The following CEBPZOS variants were observed in gnomAD, a reference collection of about 807,000 sequenced individuals.
The protein encoded by CEBPZOS is CEBPZ opposite strand, also known as protein CEBPZOS.
A neutral mutation model predicts 4.8 loss-of-function variants in CEBPZOS; 10 were observed. That is an observed-to-expected ratio of 2.07 (90% CI 1.28 to 3.52). CEBPZOS has a LOEUF of 3.52. Among genes scored for constraint, CEBPZOS ranks in the 30% most tolerant of loss-of-function variants. The probability of loss-of-function intolerance (pLI) is 0.00; values close to 1 mark genes in which losing one functional copy is unlikely to be tolerated. For missense variants in CEBPZOS, 98 were observed against 43.6 expected (o/e 2.25, Z -3.51); for synonymous variants, 25 against 14.2 (o/e 1.77, Z -1.72).
rs1020249314 is a variant in CEBPZOS at position 37,202,637 on chromosome 2, G to A, written c.*777G>A. On this transcript the variant is annotated 3_prime_UTR_variant, in exon 5 of 5. Transcript: ENST00000402297. ...TCCAACCTGGGCAAGGGAGTGAGACGCTGTCTCAAAAAAAAAAAAAAAAAA... is the reference window on the plus strand; with the variant it reads ...TCCAACCTGGGCAAGGGAGTGAGACACTGTCTCAAAAAAAAAAAAAAAAAA... 3.1e-5 allele frequency: 12 copies of A among 381,092 alleles called. 1 individual carries two copies. The highest frequency in any genetic ancestry group is 2.9e-4 in the Admixed American group (4 of 13,620). 23.6% of individuals were successfully genotyped at this position (381,092 alleles called of 1,614,324 possible).
downstream of CEBPZOS, chr2:37,214,882 G>C (rs1318522181): frequency 1.3e-6 from 2 of 1,590,798 alleles, no homozygotes; most frequent in South Asian, 1.1e-5. Flanking sequence ...ATTATGTATA[G>C]TACCTGTGGA....
intron 4 of CEBPZOS, chr2:37,211,234 G>A: frequency 2.1e-6 from 1 of 466,246 alleles, no homozygotes. Flanking sequence ...TAGGCTTGAG[G>A]ACAGACTGAG....
At chr2:37,201,279 T>A (rs1677218142) in intron 3 of CEBPZOS, 187 bp downstream of exon 3, 1 of 558,826 alleles carries the variant, frequency 1.8e-6, no homozygotes, top group Admixed American at 3.4e-5. Context: ...TCTGAATTCT[T>A]CTAGTGGTTA....
rs1677204087 is a variant in CEBPZOS at position 37,201,041 on chromosome 2, C to G, written c.116-7C>G. 4.2e-6 allele frequency: 3 copies of G among 712,862 alleles called. No homozygotes were observed. In the East Asian group the frequency reaches 8.1e-5, roughly 19 times the overall value. 44.2% of individuals were successfully genotyped at this position (712,862 alleles called of 1,614,324 possible). On this transcript the variant is annotated splice_polypyrimidine_tract_variant and splice_region_variant and intron_variant, in intron 2 of 4. Coordinates refer to ENST00000402297, the MANE Select transcript of CEBPZOS (RefSeq NM_001322374.2). ...ATCTAATTTCAAGACATCCTTTTTT[C>G]CATCAGATTTCAGGCAAACAATGAG...
intron 1 of CEBPZOS, among the ~76,000 whole-genome samples, chr2:37,198,929 G>C (rs1455330105): frequency 1.3e-5 from 2 of 152,060 alleles, no homozygotes; most frequent in African/African-American, 4.8e-5. Flanking sequence ...TGAGGTGGGC[G>C]GATTGCTTGA....
In CEBPZOS at chr2:37,203,064, A is replaced by T. The variant is rs986284255; in HGVS notation, c.*1204A>T. ...ATTATAAATCTAATGATTTTAGAAA[A>T]ATGCAATGCAACATGATTTTATTTT... is the stretch of plus-strand genomic sequence containing the variant. On this transcript the variant is annotated 3_prime_UTR_variant, in exon 5 of 5. Coordinates refer to ENST00000402297, the MANE Select transcript of CEBPZOS (RefSeq NM_001322374.2). The T allele has an allele frequency of 4.3e-6, 5 of 1,149,820 alleles. No individual in the cohort carries two copies. The highest frequency in any genetic ancestry group is 2.5e-5 in the Admixed American group (1 of 39,336). 71.2% of individuals were successfully genotyped at this position (1,149,820 alleles called of 1,614,324 possible).
intron 3 of CEBPZOS, chr2:37,201,350 C>T: frequency 2.0e-6 from 1 of 497,612 alleles, no homozygotes; most frequent in South Asian, 2.8e-5. Flanking sequence ...CAGTTTAAAC[C>T]TTTGGTTTTA....
At chr2:37,211,395 G>A (rs945852788) in intron 4 of CEBPZOS, 1 of 251,642 alleles carries the variant, frequency 4.0e-6, no homozygotes, top group African/African-American at 2.2e-5. Context: ...ATGTTGGGCA[G>A]GCATGTGCAT....
At chr2:37,200,575 T>G (rs1325987256) in intron 2 of CEBPZOS, among the ~76,000 whole-genome samples, 1 of 152,120 alleles carries the variant, frequency 6.6e-6, no homozygotes, top group Non-Finnish European at 1.5e-5. Flanking sequence ...TGGCTTGCAC[T>G]TGTAATTCCA....
downstream of CEBPZOS, among the ~76,000 whole-genome samples, chr2:37,205,929 T>C (rs1558467328): frequency 6.6e-6 from 1 of 152,038 alleles, no homozygotes; most frequent in Non-Finnish European, 1.5e-5. Flanking sequence ...ATTGCAAGGG[T>C]CAAATGGCAA....
chr2:37,216,167 A>C (rs1677861738), downstream of CEBPZOS: 2 of 1,613,024 alleles, frequency 1.2e-6, no homozygotes, highest in Non-Finnish European at 1.7e-6. Flanking sequence ...TCCTTAATAA[A>C]ATGTTTTCTT....
chr2:37,216,130 T>A, downstream of CEBPZOS: 1 of 1,599,106 alleles, frequency 6.3e-7, no homozygotes, highest in Non-Finnish European at 8.6e-7. Flanking sequence ...TGTCTAAGGT[T>A]TATACTTACC....
intron 2 of CEBPZOS, 132 bp downstream of exon 2, chr2:37,199,951 C>G (rs1677136728): frequency 1.6e-6 from 1 of 609,042 alleles, no homozygotes; most frequent in Admixed American, 2.8e-5. Flanking sequence ...TTTTTAGGGG[C>G]AGAACAGGAA....
At chr2:37,205,866 A>G (rs977875011), downstream of CEBPZOS, among the ~76,000 whole-genome samples, 21 of 152,096 alleles carry the variant, frequency 1.4e-4, no homozygotes, top group Non-Finnish European at 1.5e-5. Context: ...TAAAAATGTT[A>G]AAAAACAATT....
At chr2:37,212,369 AAC>A in intron 4 of CEBPZOS, 1 of 1,613,622 alleles carries the variant, frequency 6.2e-7, no homozygotes, top group South Asian at 1.1e-5. Flanking sequence ...CCAGAGCTGA[AAC>A]AGTTATCATC....
chr2:37,201,922 A>T lies in CEBPZOS; in HGVS notation c.*62A>T. The T allele has an allele frequency of 6.2e-7, 1 of 1,610,490 alleles. No individual in the cohort carries two copies. The highest frequency in any genetic ancestry group is 8.5e-7 in the Non-Finnish European group (1 of 1,178,752). ...TTGAGACCTTTGAGAGAAGAAGAAA[A>T]GATGAGTGTACTACCACACTGTAGA... On this transcript the variant is annotated 3_prime_UTR_variant, in exon 5 of 5. Coordinates refer to ENST00000402297, the MANE Select transcript of CEBPZOS (RefSeq NM_001322374.2).
At chr2:37,215,090 T>C (rs930744030), downstream of CEBPZOS, 12 of 627,504 alleles carry the variant, frequency 1.9e-5, no homozygotes, top group African/African-American at 1.8e-4. Flanking sequence ...GAAGGGACTC[T>C]GGAGTGCAAG....
chr2:37,209,899 G>A (rs1258481633), intron 4 of CEBPZOS: 2 of 152,022 alleles, frequency 1.3e-5, no homozygotes, highest in Non-Finnish European at 2.9e-5. Context: ...AAGGACTAAT[G>A]TCCAGAATCT....
rs1385398481 is a variant in CEBPZOS at position 37,201,707 on chromosome 2, T to A, written c.226T>A (p.Leu76Met). 9.3e-7 allele frequency: 1 copy of A among 1,073,842 alleles called. No homozygotes were observed. Among genetic ancestry groups the A allele is most frequent in the Admixed American group, 2.0e-5 (1 of 50,468 alleles). The allele number at this position is 1,073,842 out of a possible 1,614,324, so 66.5% of individuals were successfully genotyped here. The change falls in exon 4 of 5, where the codon TTG becomes ATG. Residue 76 changes from leucine to methionine, a missense_variant. Leu to Met is a conservative substitution (Grantham distance 15, BLOSUM62 2). Transcript: ENST00000402297. ...GIRELDQKTW[L>M]NSKN ...CAGAGAGCTAGATCAAAAAACATGG[T>A]TGAACAGCAAAAATTAGATGTAAGT...
Sources: gnomAD v4.1 joint callset for allele counts (sites outside exome capture counted in the v4.1 genomes callset) on GRCh38, gnomAD v4.1.1 for gene constraint, MANE v1.5 for transcripts, NCBI Gene and HGNC (gene_info 2026-07-23, HGNC 2026-07-21) for gene names.